Variants in SAMD3 observed in about 807,000 individuals in gnomAD.
The protein encoded by SAMD3 is sterile alpha motif domain-containing protein 3.
SAMD3 carries 63 observed loss-of-function variants against 58.5 expected under a neutral mutation model. The ratio of observed to expected loss-of-function variants is 1.08; its 90% CI spans 0.88 to 1.33. SAMD3 has a LOEUF of 1.33. SAMD3 is among the 40% of genes most tolerant of loss of function. The pLI is 0.00. For missense variants in SAMD3, 604 were observed against 608.4 expected (o/e 0.99, Z 0.08); for synonymous variants, 220 against 210.3 (o/e 1.05, Z -0.40).
At chr6:130,289,719 C>T (rs1775298445) in intron 2 of SAMD3, among the ~76,000 whole-genome samples, 1 of 152,154 alleles carries the variant, frequency 6.6e-6, no homozygotes, top group South Asian at 2.1e-4. Context: ...AGGCTGGTCT[C>T]GAACTCCTGA....
chr6:130,166,041 C>T (rs1355516014), intron 8 of SAMD3, among the ~76,000 whole-genome samples: 1 of 152,164 alleles, frequency 6.6e-6, no homozygotes, highest in African/African-American at 2.4e-5. Context: ...CAGCAGGATG[C>T]TTCCCCAAGA....
intron 2 of SAMD3, among the ~76,000 whole-genome samples, chr6:130,237,305 G>C (rs1773191093): frequency 6.6e-6 from 1 of 152,050 alleles, no homozygotes; most frequent in Non-Finnish European, 1.5e-5. Context: ...TTAGTTGTAT[G>C]CATTACAGCC....
intron 1 of SAMD3, among the ~76,000 whole-genome samples, chr6:130,332,839 A>G (rs192993315): frequency 1.3e-5 from 2 of 152,330 alleles, no homozygotes; most frequent in African/African-American, 4.8e-5. Context: ...AGCACCTGCA[A>G]GCTGATACAG....
intron 2 of SAMD3, among the ~76,000 whole-genome samples, chr6:130,287,133 T>C (rs927811967): frequency 6.6e-6 from 1 of 152,204 alleles, no homozygotes. Flanking sequence ...GTCTTCTAAA[T>C]GAGCATATAT....
intron 1 of SAMD3, among the ~76,000 whole-genome samples, chr6:130,335,221 A>G (rs180705435): frequency 6.6e-6 from 1 of 152,322 alleles, no homozygotes; most frequent in East Asian, 1.9e-4. Context: ...TCCCTGTATG[A>G]GTAGGTTCAT....
Position 130,184,140 on chromosome 6 carries a change from T to C in SAMD3, c.617A>G (p.Gln206Arg), listed in dbSNP as rs142555156. The C allele has an allele frequency of 6.2e-6, 10 of 1,613,988 alleles. 1 individual carries two copies. Among genetic ancestry groups the C allele is most frequent in the Non-Finnish European group, 8.5e-6 (10 of 1,179,986 alleles). The change falls in exon 7 of 12, where the codon CAG becomes CGG. Residue 206 changes from glutamine (Q) to arginine (R), a missense_variant. Gln to Arg is a conservative substitution (Grantham distance 43, BLOSUM62 1). Transcript: ENST00000439090. ...QYNDVVNALL[Q>R]AHPFLDEDGC... ...ATCCTCATCCAGGAAAGGGTGGGCC[T>C]GCAGCAGGGCATTAACCACGTCATT...
chr6:130,179,089 T>C (rs1052983915), intron 7 of SAMD3, among the ~76,000 whole-genome samples: 5 of 152,232 alleles, frequency 3.3e-5, no homozygotes, highest in African/African-American at 1.2e-4. Flanking sequence ...CTGAACCTGG[T>C]GGGAGGTATT....
At chr6:130,259,696 T>A (rs1157149610) in intron 2 of SAMD3, among the ~76,000 whole-genome samples, 1 of 152,060 alleles carries the variant, frequency 6.6e-6, no homozygotes, top group Non-Finnish European at 1.5e-5. Context: ...CTCAATGTAT[T>A]TTTTTTAACA....
chr6:130,359,761 A>G (rs1345188378), intron 1 of SAMD3, among the ~76,000 whole-genome samples: 1 of 152,222 alleles, frequency 6.6e-6, no homozygotes, highest in African/African-American at 2.4e-5. Flanking sequence ...TAAAAGAACA[A>G]TCTAAAACTG....
chr6:130,203,021 C>T (rs1398715064), intron 5 of SAMD3, among the ~76,000 whole-genome samples: 1 of 152,170 alleles, frequency 6.6e-6, no homozygotes, highest in East Asian at 1.9e-4. Context: ...TTGTTTTCTA[C>T]AGCAACAACC....
intron 2 of SAMD3, among the ~76,000 whole-genome samples, chr6:130,268,806 A>G (rs11154555): frequency 0.48 from 73,174 of 151,938 alleles, 21,067 homozygotes; most frequent in African/African-American, 0.81. Flanking sequence ...ACCACCTAAA[A>G]ACACATTTCT....
intron 2 of SAMD3, chr6:130,215,502 T>G: frequency 7.5e-7 from 1 of 1,333,928 alleles, no homozygotes; most frequent in Non-Finnish European, 9.6e-7. Context: ...TTAAACCTAT[T>G]TCCTAGCATC....
Position 130,175,881 on chromosome 6 carries a change from G to A in SAMD3, c.782C>T (p.Ala261Val), listed in dbSNP as rs1791676889. Residue 261 changes from alanine (A) to valine (V), a missense_variant, in exon 8 of 12, where the codon GCT (alanine) becomes GTT (valine). Coordinates refer to ENST00000439090, the MANE Select transcript of SAMD3 (RefSeq NM_001017373.4). Reference protein sequence around the residue: ...HRRGQTRKSLADIRFDEIKLV... With the variant: ...HRRGQTRKSLVDIRFDEIKLV... ...TTTAATTTCATCAAATCTTATATCA[G>A]CAAGAGATTTCCTTGTCTGGCCTCT... 6.2e-7 allele frequency: 1 copy of A among 1,612,652 alleles called. No individual in the cohort carries two copies. Among genetic ancestry groups the A allele is most frequent in the South Asian group, 1.1e-5 (1 of 90,926 alleles).
At chr6:130,161,239 A>G (rs1019764006) in intron 8 of SAMD3, 1 of 152,188 alleles carries the variant, frequency 6.6e-6, no homozygotes, top group African/African-American at 2.4e-5. Context: ...TATGTTACGT[A>G]TGTAGTTTTT....
At chr6:130,220,034 C>T (rs1796153893) in intron 1 of SAMD3, among the ~76,000 whole-genome samples, 1 of 152,178 alleles carries the variant, frequency 6.6e-6, no homozygotes, top group African/African-American at 2.4e-5. Flanking sequence ...TGGAGTCTCG[C>T]TCTGTCATCC....
At chr6:130,152,274 T>A (rs1789279274) in intron 9 of SAMD3, among the ~76,000 whole-genome samples, 1 of 152,188 alleles carries the variant, frequency 6.6e-6, no homozygotes, top group South Asian at 2.1e-4. Flanking sequence ...TCAAACTTGC[T>A]TTTATTTTAG....
chr6:130,215,724 G>A (rs1031219308), intron 2 of SAMD3: 45 of 1,481,582 alleles, frequency 3.0e-5, no homozygotes, highest in African/African-American at 8.4e-5. Flanking sequence ...AGGAGAGGAA[G>A]GGAGGAAGGA....
At chr6:130,338,028 C>T (rs1777153834) in intron 1 of SAMD3, among the ~76,000 whole-genome samples, 1 of 152,244 alleles carries the variant, frequency 6.6e-6, no homozygotes, top group Admixed American at 6.5e-5. Context: ...ACCTTCACAG[C>T]AGCCCTTCCC....
chr6:130,330,263 G>A (rs117198473), intron 1 of SAMD3, among the ~76,000 whole-genome samples: 2,785 of 152,268 alleles, frequency 0.018, 23 homozygotes, highest in Non-Finnish European at 0.027. Context: ...GTACGTAATA[G>A]AGGGCATCCT....
Sources: allele counts gnomAD v4.1 joint callset (sites outside exome capture counted in the v4.1 genomes callset), GRCh38; gene constraint gnomAD v4.1.1; transcripts MANE v1.5; gene names NCBI Gene and HGNC (gene_info 2026-07-23, HGNC 2026-07-21).